RUNX1T1: variants seen among roughly 807,000 people sequenced by gnomAD.
RUNX1T1 encodes the protein protein CBFA2T1.
A neutral mutation model predicts 62.8 loss-of-function variants in RUNX1T1; 4 were observed. The observed-to-expected ratio is 0.06, with a 90% CI of 0.03 to 0.15. RUNX1T1 has a LOEUF of 0.15. Ranked by LOEUF, RUNX1T1 falls within the 10% of genes least tolerant of loss-of-function variation. The pLI, the probability that RUNX1T1 is intolerant of heterozygous loss-of-function variation, is 1.00. For synonymous variants in RUNX1T1, 291 were observed against 286.0 expected (o/e 1.02, Z -0.18); for missense variants, 508 against 754.3 (o/e 0.67, Z 3.82).
At chr8:92,043,978 CAAA>C (rs761044593) in intron 1 of RUNX1T1, among the ~76,000 whole-genome samples, 5 of 76,714 alleles carry the variant, frequency 6.5e-5, no homozygotes, top group African/African-American at 1.1e-4. Flanking sequence ...AACTCCGTCT[CAAA>C]AAAAAAAAAA....
intron 4 of RUNX1T1, among the ~76,000 whole-genome samples, chr8:92,009,179 A>G (rs1376823695): frequency 6.6e-6 from 1 of 152,182 alleles, no homozygotes; most frequent in Non-Finnish European, 1.5e-5. Context: ...TGGTAATACA[A>G]AGCAATTTTG....
chr8:92,015,662 A>G (rs560510703), intron 2 of RUNX1T1, among the ~76,000 whole-genome samples: 1 of 152,236 alleles, frequency 6.6e-6, no homozygotes, highest in African/African-American at 2.4e-5. Flanking sequence ...GTTTGCATTA[A>G]AGAAAATGTT....
chr8:91,988,939 T>C lies in RUNX1T1; in HGVS notation c.911-1967A>G, dbSNP rs1817109154. ...AAAATAAATCAAGATTTTATGTTTA[T>C]TAATTTCTCTATTTAAGATACTTAA... On this transcript the variant is annotated intron_variant, in intron 6 of 10. Coordinates refer to ENST00000396218, the Ensembl canonical transcript of RUNX1T1. 3.3e-5 allele frequency among the ~76,000 whole-genome samples: 5 copies of C among 152,226 alleles called. No homozygotes were observed. The South Asian group carries it at 1.0e-3, about 31-fold the overall frequency.
At chr8:92,066,987 C>G (rs1832969159), upstream of RUNX1T1, among the ~76,000 whole-genome samples, 1 of 152,176 alleles carries the variant, frequency 6.6e-6, no homozygotes, top group African/African-American at 2.4e-5. Context: ...GATTGGCAAG[C>G]ATTTGCACCT....
intron 8 of RUNX1T1, among the ~76,000 whole-genome samples, chr8:91,978,366 A>G (rs1397137882): frequency 1.3e-5 from 2 of 152,164 alleles, no homozygotes; most frequent in Non-Finnish European, 2.9e-5. Flanking sequence ...CTCCTATTAC[A>G]TACACATCCT....
intron 4 of RUNX1T1, 40 bp downstream of exon 5, chr8:92,010,962 T>C (rs1821810029): frequency 4.4e-6 from 5 of 1,143,946 alleles, no homozygotes; most frequent in Middle Eastern, 1.9e-4. Context: ...AGCAACAATA[T>C]GGTTTAAAAT....
chr8:92,049,011 T>G (rs1285101474), intron 1 of RUNX1T1, among the ~76,000 whole-genome samples: 1 of 152,214 alleles, frequency 6.6e-6, no homozygotes, highest in East Asian at 1.9e-4. Context: ...TGGAGGCCTG[T>G]GGCCCAGCAC....
chr8:92,045,804 G>A (rs920099607), intron 1 of RUNX1T1, among the ~76,000 whole-genome samples: 1 of 152,078 alleles, frequency 6.6e-6, no homozygotes, highest in South Asian at 2.1e-4. Flanking sequence ...GTAGAAAGTC[G>A]TTCCCAGAAT....
chr8:92,086,528 C>A (rs1836147440), intron 1 of RUNX1T1, among the ~76,000 whole-genome samples: 1 of 152,192 alleles, frequency 6.6e-6, no homozygotes, highest in Non-Finnish European at 1.5e-5. Flanking sequence ...TTTTAAGGAA[C>A]ACCCACCACT....
At chr8:92,093,360 T>C (rs1384480931) in intron 1 of RUNX1T1, among the ~76,000 whole-genome samples, 2 of 152,186 alleles carry the variant, frequency 1.3e-5, no homozygotes, top group Non-Finnish European at 2.9e-5. Flanking sequence ...TTTGACTCAA[T>C]GTCTGCCTAA....
Position 92,094,263 on chromosome 8 carries a change from ATATC to A in RUNX1T1, c.-86+5313_-86+5316del, listed in dbSNP as rs376959128. Among the ~76,000 whole-genome samples the A allele has an allele frequency of 8.5e-5, 13 of 152,354 alleles. No individual in the cohort carries two copies. The East Asian group carries it at 1.3e-3, about 16-fold the overall frequency. On this transcript the variant is annotated intron_variant, in intron 1 of 11. Transcript: ENST00000265814. The stretch of plus-strand genomic sequence containing the variant: ...TAATTAGGCTTTTAGTTACTGGATC[ATATC>A]TATCTATCTATGAAAACACCTATTT...
exon 3 of RUNX1T1, chr8:92,014,689 C>T (rs771513215): frequency 6.2e-7 from 1 of 1,614,016 alleles, no homozygotes. Context: ...AGTTGCCTGG[C>T]ACCACAGGCT....
chr8:92,090,899 C>T (rs568277963), intron 1 of RUNX1T1, among the ~76,000 whole-genome samples: 1 of 152,274 alleles, frequency 6.6e-6, no homozygotes, highest in East Asian at 1.9e-4. Flanking sequence ...TAATCAATTA[C>T]TTAAAATCAG....
chr8:91,994,665 CTG>C (rs1439645951), intron 5 of RUNX1T1: 1 of 493,820 alleles, frequency 2.0e-6, no homozygotes, highest in Admixed American at 2.3e-5. Flanking sequence ...GGTTTTCAAA[CTG>C]TGCCACCTGA....
chr8:92,095,682 A>T, intron 1 of RUNX1T1: 1 of 572,526 alleles, frequency 1.7e-6, no homozygotes, highest in Non-Finnish European at 2.5e-6. Context: ...GGAGGGAAGG[A>T]GGGATGGAGG....
chr8:91,970,478 G>A (rs1812593763), intron 10 of RUNX1T1, among the ~76,000 whole-genome samples, 180 bp downstream of exon 11: 1 of 152,158 alleles, frequency 6.6e-6, no homozygotes, highest in Non-Finnish European at 1.5e-5. Flanking sequence ...AAGATTAGGT[G>A]TTCAATAAAA....
At chr8:91,975,797 T>C in intron 9 of RUNX1T1, 108 bp downstream of exon 10, 3 of 690,512 alleles carry the variant, frequency 4.3e-6, no homozygotes, top group South Asian at 1.8e-5. Flanking sequence ...GTTTTTGCTG[T>C]TGTTGTTGTT....
intron 1 of RUNX1T1, among the ~76,000 whole-genome samples, chr8:92,045,467 T>C (rs1829232250): frequency 6.6e-6 from 1 of 152,182 alleles, no homozygotes; most frequent in Admixed American, 6.5e-5. Context: ...AAACGAGTTC[T>C]TCCTGCTTTC....
chr8:92,017,564 T>A lies in RUNX1T1; in HGVS notation c.8-201A>T, dbSNP rs746414586. The stretch of plus-strand genomic sequence containing the variant: ...AAGGTATAGCACAGATGGCAGGACC[T>A]CATTTGTAACTAGGTTATATTATAT... On this transcript the variant is annotated intron_variant, in intron 1 of 10. Coordinates refer to ENST00000396218, the Ensembl canonical transcript of RUNX1T1. The A allele has an allele frequency of 2.8e-6, 4 of 1,448,254 alleles. No homozygotes were observed. The Admixed American group carries it at 1.1e-4, about 39-fold the overall frequency. 89.7% of individuals were successfully genotyped at this position (1,448,254 alleles called of 1,614,324 possible). A position where few individuals can be genotyped will look rare whatever the true frequency, so the allele number is the denominator to read the frequency against.
Sources: gnomAD v4.1 joint callset for allele counts (sites outside exome capture counted in the v4.1 genomes callset) on GRCh38, gnomAD v4.1.1 for gene constraint, MANE v1.5 for transcripts, NCBI Gene and HGNC (gene_info 2026-07-23, HGNC 2026-07-21) for gene names.